Variants in KDM4C observed in about 807,000 individuals in gnomAD.
The protein encoded by KDM4C is lysine demethylase 4C, also known as lysine-specific demethylase 4C.
A neutral mutation model predicts 129.3 loss-of-function variants in KDM4C; 81 were observed. The ratio of observed to expected loss-of-function variants is 0.63; its 90% CI spans 0.52 to 0.75. The LOEUF (loss-of-function observed/expected upper bound fraction) is 0.75. KDM4C is among the 30% of genes least tolerant of loss of function. KDM4C has a pLI of 0.00. For missense variants in KDM4C, 1,457 were observed against 1,304.0 expected (o/e 1.12, Z -1.81); for synonymous variants, 573 against 456.1 (o/e 1.26, Z -3.26).
intron 17 of KDM4C, among the ~76,000 whole-genome samples, chr9:7,052,915 A>AGTG (rs1830407445): frequency 1.4e-4 from 1 of 7,128 alleles, no homozygotes; most frequent in South Asian, 3.6e-3. Flanking sequence ...GCGAGTGCCC[A>AGTG]AGGGATGACA....
chr9:7,065,281 G>A (rs1187050835), intron 17 of KDM4C, among the ~76,000 whole-genome samples: 1 of 151,278 alleles, frequency 6.6e-6, no homozygotes, highest in East Asian at 1.9e-4. Context: ...TTTCTGTTGG[G>A]AATATAAAAT....
intron 17 of KDM4C, among the ~76,000 whole-genome samples, chr9:7,060,686 T>C (rs906471983): frequency 1.3e-5 from 2 of 152,064 alleles, no homozygotes; most frequent in African/African-American, 2.4e-5. Flanking sequence ...TTCACCATGT[T>C]GGCCAGGATG....
intron 8 of KDM4C, among the ~76,000 whole-genome samples, chr9:6,918,728 A>T (rs181703209): frequency 1.2e-4 from 19 of 152,088 alleles, no homozygotes; most frequent in Admixed American, 1.1e-3. Flanking sequence ...CTGGTTTGAG[A>T]TGGTAGCTCA....
At chr9:6,961,923 C>A (rs1283652550) in intron 8 of KDM4C, among the ~76,000 whole-genome samples, 1 of 152,140 alleles carries the variant, frequency 6.6e-6, no homozygotes, top group Non-Finnish European at 1.5e-5. Context: ...TGAATGAGTG[C>A]ATGTATAAAT....
chr9:6,795,722 A>G (rs1827613178), intron 2 of KDM4C, among the ~76,000 whole-genome samples: 1 of 150,428 alleles, frequency 6.6e-6, no homozygotes, highest in African/African-American at 2.5e-5. Flanking sequence ...CCCAAGCTGG[A>G]GTGCAGTGGC....
At chr9:6,958,308 G>A (rs887034208) in intron 8 of KDM4C, among the ~76,000 whole-genome samples, 7 of 152,118 alleles carry the variant, frequency 4.6e-5, no homozygotes, top group East Asian at 3.9e-4. Context: ...CATTGAGGCC[G>A]GTGCGGTGGC....
At chr9:7,074,387 G>T (rs1291126618) in intron 17 of KDM4C, among the ~76,000 whole-genome samples, 1 of 151,948 alleles carries the variant, frequency 6.6e-6, no homozygotes, top group Admixed American at 6.6e-5. Flanking sequence ...GGGTGATCTC[G>T]AACTCCTGAC....
intron 12 of KDM4C, among the ~76,000 whole-genome samples, chr9:6,991,753 T>C (rs1447253981): frequency 6.6e-6 from 1 of 152,202 alleles, no homozygotes; most frequent in Non-Finnish European, 1.5e-5. Context: ...AACAAGATCA[T>C]GGCAGGGCAT....
chr9:6,920,061 A>T (rs1381618075), intron 8 of KDM4C, among the ~76,000 whole-genome samples: 4 of 152,122 alleles, frequency 2.6e-5, no homozygotes, highest in Non-Finnish European at 5.9e-5. Flanking sequence ...AGTTTAATTG[A>T]TGTGAGGCCA....
At chr9:6,900,687 G>C (rs1194168129) in intron 8 of KDM4C, among the ~76,000 whole-genome samples, 1 of 152,204 alleles carries the variant, frequency 6.6e-6, no homozygotes, top group African/African-American at 2.4e-5. Context: ...CTTCTCTGTC[G>C]ATAAACCTAC....
chr9:6,835,512 G>C (rs189597700), intron 4 of KDM4C: 1 of 1,511,766 alleles, frequency 6.6e-7, no homozygotes, highest in African/African-American at 1.4e-5. Flanking sequence ...CCTTCCAGCA[G>C]ATGTGGATCA....
chr9:6,838,126 C>G (rs1335688897), intron 4 of KDM4C, among the ~76,000 whole-genome samples: 1 of 152,076 alleles, frequency 6.6e-6, no homozygotes, highest in African/African-American at 2.4e-5. Flanking sequence ...AGGAGTTCAC[C>G]TCTCCTTCAG....
Position 6,763,851 on chromosome 9 carries a change from A to C in KDM4C, c.-18+5648A>C, listed in dbSNP as rs1209731007. ...TGGCTCACCACAACCTCCGCCTCCCAGTTTCAAGCAATTCTCCTGCCTCAG... is the reference window on the plus strand; with the variant it reads ...TGGCTCACCACAACCTCCGCCTCCCCGTTTCAAGCAATTCTCCTGCCTCAG... On this transcript the variant is annotated intron_variant, in intron 1 of 21. Transcript: ENST00000381309. Among the ~76,000 whole-genome samples, 3 of 152,140 alleles carry C rather than the reference A, an allele frequency of 2.0e-5. No homozygotes were observed. The East Asian group carries it at 5.8e-4, about 29-fold the overall frequency.
intron 1 of KDM4C, among the ~76,000 whole-genome samples, chr9:6,736,531 C>T (rs1317150180): frequency 6.6e-6 from 1 of 152,110 alleles, no homozygotes; most frequent in Non-Finnish European, 1.5e-5. Context: ...CAGGCTGTTC[C>T]TTCAGAGGGT....
intron 17 of KDM4C, among the ~76,000 whole-genome samples, chr9:7,070,592 A>G (rs1046859832): frequency 5.3e-5 from 8 of 152,232 alleles, no homozygotes; most frequent in Admixed American, 2.6e-4. Context: ...TAGCTATAGT[A>G]ACAGACTAAA....
intron 19 of KDM4C, among the ~76,000 whole-genome samples, chr9:7,163,049 G>A (rs972452353): frequency 2.0e-5 from 3 of 152,048 alleles, no homozygotes; most frequent in East Asian, 1.9e-4. Context: ...GTGATGGGCC[G>A]TGCAGGAAAG....
At chr9:7,000,584 G>T (rs1820552726) in intron 12 of KDM4C, among the ~76,000 whole-genome samples, 1 of 152,096 alleles carries the variant, frequency 6.6e-6, no homozygotes, top group South Asian at 2.1e-4. Context: ...TGATAGCACA[G>T]TTTCATGGTG....
intron 9 of KDM4C, among the ~76,000 whole-genome samples, chr9:6,983,542 C>A (rs1817132107): frequency 7.1e-6 from 1 of 141,130 alleles, no homozygotes; most frequent in East Asian, 2.1e-4. Context: ...TCTAGACCAC[C>A]CGGGACAATA....
chr9:6,941,484 A>G (rs948841358), intron 8 of KDM4C: 1 of 152,242 alleles, frequency 6.6e-6, no homozygotes, highest in African/African-American at 2.4e-5. Flanking sequence ...AAAACAAATT[A>G]TCAGAACATA....
Sources: gnomAD v4.1 joint callset for allele counts (sites outside exome capture counted in the v4.1 genomes callset) on GRCh38, gnomAD v4.1.1 for gene constraint, MANE v1.5 for transcripts, NCBI Gene and HGNC (gene_info 2026-07-23, HGNC 2026-07-21) for gene names.